The following FER1L6 variants were observed in gnomAD, a reference collection of about 807,000 sequenced individuals.
The protein encoded by FER1L6 is fer-1 like family member 6.
Under a neutral mutation model 219.2 loss-of-function variants are expected in FER1L6, and 177 were observed. That is an observed-to-expected ratio of 0.81 (90% CI 0.71 to 0.91). The LOEUF is 0.91. FER1L6 is among the 40% of genes least tolerant of loss of function. The pLI, the probability that FER1L6 is intolerant of heterozygous loss-of-function variation, is 0.00. For missense variants in FER1L6, 2,153 were observed against 2,259.9 expected (o/e 0.95, Z 0.96); for synonymous variants, 768 against 824.3 (o/e 0.93, Z 1.17).
intron 1 of FER1L6, among the ~76,000 whole-genome samples, chr8:123,865,841 A>T (rs540595465): frequency 6.6e-6 from 1 of 151,248 alleles, no homozygotes; most frequent in Admixed American, 6.6e-5. Flanking sequence ...GCTTTGGCTC[A>T]CGCACGGTGC....
chr8:124,096,046 G>A (rs1427908028), intron 35 of FER1L6, among the ~76,000 whole-genome samples: 1 of 152,160 alleles, frequency 6.6e-6, no homozygotes, highest in Non-Finnish European at 1.5e-5. Flanking sequence ...ATTATAATGG[G>A]TCAGAAACAC....
chr8:124,020,092 T>C (rs1257234441), intron 16 of FER1L6, among the ~76,000 whole-genome samples: 7 of 152,160 alleles, frequency 4.6e-5, no homozygotes, highest in East Asian at 1.9e-4. Flanking sequence ...GTTTTCATGA[T>C]AGTGAATAAG....
intron 33 of FER1L6, 93 bp from the exon 34 acceptor site, chr8:124,091,330 A>C (rs1473700139): frequency 3.9e-6 from 4 of 1,034,810 alleles, no homozygotes; most frequent in Non-Finnish European, 5.6e-6. Flanking sequence ...AGATACACAG[A>C]ATAGCAAGTT....
intron 1 of FER1L6, among the ~76,000 whole-genome samples, chr8:123,945,848 T>C (rs568899993): frequency 6.6e-6 from 1 of 152,364 alleles, no homozygotes; most frequent in African/African-American, 2.4e-5. Context: ...ATTTTCAGCA[T>C]TGAACTGCTT....
chr8:124,113,039 C>G (rs1028962380), intron 39 of FER1L6, among the ~76,000 whole-genome samples: 1 of 152,044 alleles, frequency 6.6e-6, no homozygotes, highest in African/African-American at 2.4e-5. Flanking sequence ...TAATAGTAAT[C>G]ATTCCATACT....
intron 1 of FER1L6, among the ~76,000 whole-genome samples, chr8:123,930,926 C>T (rs1306391291): frequency 6.6e-6 from 1 of 152,152 alleles, no homozygotes; most frequent in Admixed American, 6.5e-5. Context: ...TGGAGACTCC[C>T]ATGGCTGACT....
At chr8:123,996,300 C>T (rs1185824786) in intron 12 of FER1L6, among the ~76,000 whole-genome samples, 1 of 152,122 alleles carries the variant, frequency 6.6e-6, no homozygotes, top group Non-Finnish European at 1.5e-5. Context: ...TTCTCTTTAG[C>T]TCTAATAATA....
chr8:123,999,373 C>T (rs950980186), intron 12 of FER1L6, among the ~76,000 whole-genome samples: 12 of 152,204 alleles, frequency 7.9e-5, no homozygotes, highest in Admixed American at 2.6e-4. Flanking sequence ...GGGCCATGCA[C>T]GGTGGCTCAC....
intron 1 of FER1L6, among the ~76,000 whole-genome samples, chr8:123,867,715 C>T (rs1225231879): frequency 6.6e-6 from 1 of 152,052 alleles, no homozygotes; most frequent in Non-Finnish European, 1.5e-5. Context: ...ATGTTATTGC[C>T]CTTAATATTT....
chr8:123,936,386 G>A (rs1814002336), intron 1 of FER1L6, among the ~76,000 whole-genome samples: 2 of 150,972 alleles, frequency 1.3e-5, no homozygotes, highest in Non-Finnish European at 2.9e-5. Context: ...TATATTATCT[G>A]CTGAGTTAAT....
intron 1 of FER1L6, among the ~76,000 whole-genome samples, chr8:123,872,169 G>T (rs997233439): frequency 6.6e-6 from 1 of 152,076 alleles, no homozygotes; most frequent in African/African-American, 2.4e-5. Flanking sequence ...CTATCATGAG[G>T]ACAGTACCAA....
intron 37 of FER1L6, among the ~76,000 whole-genome samples, chr8:124,099,514 A>G (rs1822462228): frequency 6.6e-6 from 1 of 152,010 alleles, no homozygotes; most frequent in African/African-American, 2.4e-5. Flanking sequence ...CATCCTCTCC[A>G]TCTTCGCCAC....
intron 39 of FER1L6, among the ~76,000 whole-genome samples, chr8:124,112,026 T>C (rs1356016155): frequency 6.6e-6 from 1 of 152,146 alleles, no homozygotes; most frequent in African/African-American, 2.4e-5. Context: ...GGGTAGCAAG[T>C]TAGGTGGTCC....
At chr8:124,017,389 G>T (rs1035737432) in intron 15 of FER1L6, among the ~76,000 whole-genome samples, 1 of 152,038 alleles carries the variant, frequency 6.6e-6, no homozygotes, top group African/African-American at 2.4e-5. Context: ...TGTACTGAAA[G>T]AAAGTGGAAA....
intron 10 of FER1L6, 86 bp from the exon 11 acceptor site, chr8:123,980,379 T>G: frequency 1.8e-6 from 2 of 1,100,638 alleles, no homozygotes; most frequent in Non-Finnish European, 2.6e-6. Context: ...TCGTCTTTCT[T>G]GGATATTCTA....
chr8:123,879,036 G>A (rs938695557), intron 1 of FER1L6, among the ~76,000 whole-genome samples: 2 of 152,198 alleles, frequency 1.3e-5, no homozygotes, highest in Non-Finnish European at 2.9e-5. Flanking sequence ...GTAACCGCAA[G>A]GATCAAGGAA....
intron 3 of FER1L6, among the ~76,000 whole-genome samples, chr8:123,964,884 C>T (rs765493495): frequency 1.1e-4 from 16 of 152,116 alleles, no homozygotes; most frequent in Non-Finnish European, 2.1e-4. Context: ...TTACACTTGC[C>T]TACTAGTTCT....
intron 32 of FER1L6, among the ~76,000 whole-genome samples, chr8:124,079,417 A>T (rs1266838412): frequency 6.6e-6 from 1 of 152,026 alleles, no homozygotes; most frequent in African/African-American, 2.4e-5. Context: ...ATCAAGGAGA[A>T]TCTTCTTCAA....
chr8:124,022,855 A>C (rs1168818173), intron 17 of FER1L6, among the ~76,000 whole-genome samples: 1 of 152,154 alleles, frequency 6.6e-6, no homozygotes, highest in Non-Finnish European at 1.5e-5. Flanking sequence ...CAAATCACAG[A>C]TCCAGCTTGC....
Sources: gnomAD v4.1 joint callset for allele counts (sites outside exome capture counted in the v4.1 genomes callset) on GRCh38, gnomAD v4.1.1 for gene constraint, MANE v1.5 for transcripts, NCBI Gene and HGNC (gene_info 2026-07-23, HGNC 2026-07-21) for gene names.